RPS6KC1: variants seen among roughly 807,000 people sequenced by gnomAD.
The protein encoded by RPS6KC1 is ribosomal protein S6 kinase C1.
In RPS6KC1, 54 loss-of-function variants were observed where a neutral mutation model predicts 103.8. That is an observed-to-expected ratio of 0.52 (90% CI 0.42 to 0.65). The LOEUF (loss-of-function observed/expected upper bound fraction) is 0.65. Among genes scored for constraint, RPS6KC1 ranks in the 30% least tolerant of loss-of-function variants. The pLI is 0.00. For missense variants in RPS6KC1, 1,151 were observed against 1,253.8 expected (o/e 0.92, Z 1.24); for synonymous variants, 439 against 438.7 (o/e 1.00, Z -0.01).
chr1:213,269,766 A>C (rs896084496), intron 14 of RPS6KC1, among the ~76,000 whole-genome samples: 3 of 152,082 alleles, frequency 2.0e-5, no homozygotes, highest in African/African-American at 7.2e-5. Context: ...ACTATGAAAC[A>C]AAGCTAGATG....
chr1:213,335,079 T>C, the RPS6KC1 span, among the ~76,000 whole-genome samples: 1 of 152,220 alleles, frequency 6.6e-6, no homozygotes, highest in Admixed American at 6.5e-5. Flanking sequence ...ACTGGAATTA[T>C]TATTCCCATT....
the RPS6KC1 span, among the ~76,000 whole-genome samples, chr1:213,662,931 G>A: frequency 6.6e-6 from 1 of 152,184 alleles, no homozygotes; most frequent in South Asian, 2.1e-4. Context: ...ACCAATTGGT[G>A]AGCTACAGCA....
the RPS6KC1 span, among the ~76,000 whole-genome samples, chr1:213,549,887 A>G: frequency 6.6e-6 from 1 of 151,882 alleles, no homozygotes; most frequent in Non-Finnish European, 1.5e-5. Context: ...AACCATTACC[A>G]GTTTCACAGA....
At chr1:213,343,391 GTATA>G in the RPS6KC1 span, among the ~76,000 whole-genome samples, 612 of 65,698 alleles carry the variant, frequency 9.3e-3, 11 homozygotes, top group African/African-American at 0.015. Context: ...AGTGTTGTGT[GTATA>G]TATATATATA....
the RPS6KC1 span, among the ~76,000 whole-genome samples, chr1:213,416,641 A>G: frequency 1.3e-5 from 2 of 152,196 alleles, no homozygotes; most frequent in Non-Finnish European, 2.9e-5. Flanking sequence ...TCACAGTCCC[A>G]CTGCCACACC....
intron 8 of RPS6KC1, among the ~76,000 whole-genome samples, 181 bp from the exon 9 acceptor site, chr1:213,230,316 A>AT: frequency 6.6e-6 from 1 of 152,182 alleles, no homozygotes; most frequent in Non-Finnish European, 1.5e-5. Context: ...AATAAAACCT[A>AT]TTTTGGATAA....
the RPS6KC1 span, among the ~76,000 whole-genome samples, chr1:213,813,729 C>T: frequency 5.9e-5 from 9 of 152,038 alleles, no homozygotes; most frequent in Non-Finnish European, 1.2e-4. Context: ...GAAGATAGAG[C>T]GATAGATGGC....
At chr1:213,235,806 C>G (rs1318320941) in intron 10 of RPS6KC1, among the ~76,000 whole-genome samples, 1 of 152,042 alleles carries the variant, frequency 6.6e-6, no homozygotes, top group African/African-American at 2.4e-5. Flanking sequence ...GCATGCTGAG[C>G]AAAGGAGTGA....
At chr1:213,487,618 G>T in the RPS6KC1 span, among the ~76,000 whole-genome samples, 1 of 152,006 alleles carries the variant, frequency 6.6e-6, no homozygotes, top group Non-Finnish European at 1.5e-5. Flanking sequence ...CTTACAGGGG[G>T]GCATAGTGGT....
rs552750279 is a variant in RPS6KC1, at chr1:213,230,567, C to T, written c.1092+23C>T. 12 of 1,588,152 alleles carry T rather than the reference C, an allele frequency of 7.6e-6. No homozygotes were observed. In the Admixed American group the frequency reaches 8.6e-5, roughly 11 times the overall value. The stretch of plus-strand genomic sequence containing the variant: ...AAAGTAAGTAAAATTTGTAGCCAGG[C>T]GCGGTGCCTATAATTCCAGCACTTT... On this transcript the variant is annotated intron_variant, in intron 9 of 14. Coordinates refer to ENST00000366960, the MANE Select transcript of RPS6KC1 (RefSeq NM_012424.6).
At chr1:213,852,484 C>T in the RPS6KC1 span, among the ~76,000 whole-genome samples, 4 of 151,996 alleles carry the variant, frequency 2.6e-5, no homozygotes, top group African/African-American at 4.8e-5. Flanking sequence ...TCAAAAATAA[C>T]CTACTACTTC....
chr1:213,221,193 C>G (rs2093823410), intron 8 of RPS6KC1, among the ~76,000 whole-genome samples: 1 of 148,064 alleles, frequency 6.8e-6, no homozygotes, highest in Admixed American at 6.8e-5. Flanking sequence ...TATGACTAGA[C>G]TTTTTTTTTT....
chr1:213,847,916 A>G, the RPS6KC1 span, among the ~76,000 whole-genome samples: 2 of 152,062 alleles, frequency 1.3e-5, no homozygotes, highest in African/African-American at 4.8e-5. Context: ...ATTCCTTAGC[A>G]TTTTGAAATC....
chr1:213,310,703 G>A, the RPS6KC1 span, among the ~76,000 whole-genome samples: 1 of 152,186 alleles, frequency 6.6e-6, no homozygotes, highest in Non-Finnish European at 1.5e-5. Flanking sequence ...GAACACGAAC[G>A]TAGTCAATGC....
intron 8 of RPS6KC1, among the ~76,000 whole-genome samples, chr1:213,204,184 A>C (rs1373604786): frequency 6.6e-6 from 1 of 152,046 alleles, no homozygotes; most frequent in Non-Finnish European, 1.5e-5. Flanking sequence ...GTTTTTCTTT[A>C]TGTCTGATAT....
chr1:213,505,283 G>C, the RPS6KC1 span, among the ~76,000 whole-genome samples: 16,187 of 152,138 alleles, frequency 0.11, 2,056 homozygotes, highest in African/African-American at 0.3. Flanking sequence ...AGGTGGGTAG[G>C]TCTGAGGATT....
At chr1:213,780,951 A>C in the RPS6KC1 span, among the ~76,000 whole-genome samples, 1 of 152,194 alleles carries the variant, frequency 6.6e-6, no homozygotes, top group South Asian at 2.1e-4. Context: ...TGAACCCAGA[A>C]GGGGGAGGTT....
downstream of RPS6KC1, among the ~76,000 whole-genome samples, chr1:213,279,092 TG>T (rs2095118027): frequency 6.6e-6 from 1 of 152,142 alleles, no homozygotes; most frequent in Admixed American, 6.5e-5. Flanking sequence ...CTCTAGGTTG[TG>T]GGGAACTAGT....
chr1:213,234,635 T>C (rs577692254), intron 10 of RPS6KC1, among the ~76,000 whole-genome samples: 3 of 152,286 alleles, frequency 2.0e-5, no homozygotes, highest in East Asian at 3.9e-4. Context: ...GAGGCACATG[T>C]TGGTACGTGA....
Sources: gnomAD v4.1 joint callset for allele counts (sites outside exome capture counted in the v4.1 genomes callset) on GRCh38, gnomAD v4.1.1 for gene constraint, MANE v1.5 for transcripts, NCBI Gene and HGNC (gene_info 2026-07-23, HGNC 2026-07-21) for gene names.